FBF1: variants seen among roughly 807,000 people sequenced by gnomAD.
FBF1 encodes the protein Fas binding factor 1.
A neutral mutation model predicts 147.2 loss-of-function variants in FBF1; 119 were observed. The observed-to-expected ratio is 0.81, with a 90% CI of 0.70 to 0.94. The LOEUF (loss-of-function observed/expected upper bound fraction) is 0.94, where lower values mean the gene tolerates loss of function less well. Ranked by LOEUF, FBF1 falls within the 40% of genes least tolerant of loss-of-function variation. FBF1 has a pLI of 0.00. For missense variants in FBF1, 1,449 were observed against 1,500.8 expected (o/e 0.97, Z 0.57); for synonymous variants, 601 against 609.0 (o/e 0.99, Z 0.19).
At chr17:75,915,408 A>G (rs575583923) in intron 23 of FBF1, among the ~76,000 whole-genome samples, 1 of 152,286 alleles carries the variant, frequency 6.6e-6, no homozygotes, top group East Asian at 1.9e-4. Context: ...AGGGCCAAAG[A>G]GCAGCAACAT....
rs2065511152 is a variant in FBF1, at chr17:75,919,667, C to T, written c.2138+1G>A. On this transcript the variant is annotated splice_donor_variant, in intron 20 of 29. Coordinates refer to ENST00000636174, the MANE Select transcript of FBF1 (RefSeq NM_001319193.2). LOFTEE classifies it high-confidence loss of function. The surrounding 1 kb of genome is among the most constrained non-coding windows in gnomAD (Gnocchi z 5.0). ...CCCAGCTGCCTGTCCCTGGGCCTCA[C>T]CGCTGCAGCTCCCGGAGCCGCTCCA... 1 of 1,594,054 alleles carries T rather than the reference C, an allele frequency of 6.3e-7. No homozygotes were observed. Among genetic ancestry groups the T allele is most frequent in the African/African-American group, 1.3e-5 (1 of 74,502 alleles).
chr17:75,912,305 G>A lies in FBF1; in HGVS notation c.3250C>T (p.Leu1084Phe). Residue 1084 changes from leucine to phenylalanine, a missense_variant and splice_region_variant, in exon 29 of 30, where the codon CTC (leucine) becomes TTC (phenylalanine). Coordinates refer to ENST00000636174, the MANE Select transcript of FBF1 (RefSeq NM_001319193.2). ...QGPAASSQSA[L>F]MPPAPTTRWC... ...CGGGTGGTGGGAGCAGGAGGCATGA[G>A]GGCTGAAAAGGCCAAGGAGGAAGTC... 2 of 1,584,516 alleles carry A rather than the reference G, an allele frequency of 1.3e-6. No homozygotes were observed. Among genetic ancestry groups the A allele is most frequent in the Non-Finnish European group, 1.7e-6 (2 of 1,165,822 alleles).
intron 9 of FBF1, among the ~76,000 whole-genome samples, chr17:75,927,155 A>G (rs60946179): frequency 0.032 from 4,944 of 152,272 alleles, 268 homozygotes; most frequent in African/African-American, 0.11. Context: ...GGCCTTCTGG[A>G]AATGTCCCTC....
chr17:75,922,002 C>T lies in FBF1; in HGVS notation c.1469G>A (p.Gly490Glu). 6.4e-7 allele frequency: 1 copy of T among 1,551,870 alleles called. No homozygotes were observed. The highest frequency in any genetic ancestry group is 8.7e-7 in the Non-Finnish European group (1 of 1,147,054). ...STQGLEHAAA[G>E]GSSGTTARER... ...TCGTGCAGTTGTTCCAGAACTCCCT[C>T]CAGCAGCTGCGTGCTCAAGCCCTTG... Residue 490 changes from glycine to glutamate, a missense_variant, in exon 15 of 30, where the codon GGA becomes GAA. Gly to Glu is a moderately conservative substitution (Grantham distance 98). Transcript: ENST00000636174. This position sits in a 1 kb window ranked among gnomAD's most constrained non-coding sequence, Gnocchi z 5.0.
chr17:75,917,610 G>A (rs1169402367), intron 23 of FBF1, 122 bp downstream of exon 23: 6 of 852,326 alleles, frequency 7.0e-6, no homozygotes, highest in Non-Finnish European at 9.0e-6. Flanking sequence ...GGCAGGAAGC[G>A]GCAGGTGGGG....
rs139493844 is a variant in FBF1, at chr17:75,933,278, A to G, written c.74-190T>C. On this transcript the variant is annotated intron_variant, in intron 4 of 29. Coordinates refer to ENST00000636174, the MANE Select transcript of FBF1 (RefSeq NM_001319193.2). Reference sequence around the variant, plus strand: ...AGAGGGTGGTACATTTCCAAGGAGGAAGTCAACCCTAAATGCCAAATACCA... The same window carrying G: ...AGAGGGTGGTACATTTCCAAGGAGGGAGTCAACCCTAAATGCCAAATACCA... Among the ~76,000 whole-genome samples the G allele has an allele frequency of 5.7e-3, 873 of 152,262 alleles. 11 individuals carry two copies. Among genetic ancestry groups the G allele is most frequent in the African/African-American group, 0.02 (816 of 41,538 alleles).
In FBF1 at chr17:75,914,153, A is replaced by G; in HGVS notation, c.2960T>C (p.Leu987Pro). ...RINATALRVKLRAEEVESMSK... is the reference protein window; with the variant it reads ...RINATALRVKPRAEEVESMSK... ...CATGCTCTCCACCTCCTCGGCGCGGAGCTTGACACGCAGGGCGGTGGCGTT... is the reference window on the plus strand; with the variant it reads ...CATGCTCTCCACCTCCTCGGCGCGGGGCTTGACACGCAGGGCGGTGGCGTT... Residue 987 changes from leucine (L) to proline (P), a missense_variant, in exon 26 of 30, where the codon CTC (leucine) becomes CCC (proline). Physicochemically the swap from Leu to Pro is moderately conservative, Grantham distance 98. Coordinates refer to ENST00000636174, the MANE Select transcript of FBF1 (RefSeq NM_001319193.2). 3 of 1,602,320 alleles carry G rather than the reference A, an allele frequency of 1.9e-6. No homozygotes were observed. Among genetic ancestry groups the G allele is most frequent in the Non-Finnish European group, 2.5e-6 (3 of 1,176,884 alleles).
In FBF1 at chr17:75,923,757, C is replaced by T. The variant is rs2065543875; in HGVS notation, c.969-116G>A. On this transcript the variant is annotated intron_variant, in intron 13 of 29. Coordinates refer to ENST00000636174, the MANE Select transcript of FBF1 (RefSeq NM_001319193.2). The surrounding 1 kb of genome is among the most constrained non-coding windows in gnomAD (Gnocchi z 4.1). Reference sequence around the variant, plus strand: ...GGACCCTGCACAGTCAGCTGAGGCCCAGTGAGCAGTGGCTCCTGGACCGGC... The same window carrying T: ...GGACCCTGCACAGTCAGCTGAGGCCTAGTGAGCAGTGGCTCCTGGACCGGC... 2 of 1,033,182 alleles carry T rather than the reference C, an allele frequency of 1.9e-6. No individual in the cohort carries two copies. Among genetic ancestry groups the T allele is most frequent in the Non-Finnish European group, 2.7e-6 (2 of 727,958 alleles). The allele number at this position is 1,033,182 out of a possible 1,614,324, so 64.0% of individuals were successfully genotyped here.
Position 75,918,006 on chromosome 17 carries a change from G to C in FBF1, c.2311C>G (p.Arg771Gly). 1.2e-5 allele frequency: 20 copies of C among 1,612,562 alleles called. No individual in the cohort carries two copies. Among genetic ancestry groups the C allele is most frequent in the Non-Finnish European group, 1.7e-5 (20 of 1,179,180 alleles). Residue 771 changes from arginine to glycine, a missense_variant, in exon 22 of 30, where the codon CGC (arginine) becomes GGC (glycine). Coordinates refer to ENST00000636174, the MANE Select transcript of FBF1 (RefSeq NM_001319193.2). This position sits in a 1 kb window ranked among gnomAD's most constrained non-coding sequence, Gnocchi z 5.8. ...FSSSLHELSS[R>G]VEASHLTTSQ... ...GTGGTGAGGTGCGAGGCCTCCACGC[G>C]GGAGGACAACTCGTGCAGGCTGCTG... is the stretch of plus-strand genomic sequence containing the variant.
At position 75,920,378 on chromosome 17, in the gene FBF1, G is replaced by A; in HGVS notation, c.1726C>T (p.Gln576Ter). The A allele has an allele frequency of 6.2e-7, 1 of 1,605,892 alleles. No homozygotes were observed. The highest frequency in any genetic ancestry group is 8.5e-7 in the Non-Finnish European group (1 of 1,176,764). The change falls in exon 18 of 30, where the codon CAG becomes TAG. Residue 576 changes from glutamine (Q) to a stop codon, truncating the protein, a stop_gained. Coordinates refer to ENST00000636174, the MANE Select transcript of FBF1 (RefSeq NM_001319193.2). LOFTEE classifies it high-confidence loss of function. ...ACCTGTGCTGCCAGGAGCTGCTTCTGGTATTCTGTGCTCGGCAGCAGGCTC... is the reference window on the plus strand; with the variant it reads ...ACCTGTGCTGCCAGGAGCTGCTTCTAGTATTCTGTGCTCGGCAGCAGGCTC... Reference protein sequence around the residue: ...ARSLLPSTEYQKQLLAAQVQL... With the variant: ...ARSLLPSTEY
chr17:75,937,406 A>G (rs2065631745), intron 3 of FBF1, among the ~76,000 whole-genome samples, 160 bp downstream of exon 3: 1 of 152,058 alleles, frequency 6.6e-6, no homozygotes, highest in Non-Finnish European at 1.5e-5. Flanking sequence ...TCCTGACCTC[A>G]TGATCCACCC....
intron 25 of FBF1, 156 bp from the exon 26 acceptor site, chr17:75,914,454 G>C (rs2065475526): frequency 8.4e-7 from 1 of 1,196,988 alleles, no homozygotes; most frequent in African/African-American, 1.5e-5. Flanking sequence ...GGCCAAGCCG[G>C]AGTGCTGCCC....
intron 15 of FBF1, 148 bp downstream of exon 15, chr17:75,921,797 C>T (rs1287025124): frequency 5.2e-6 from 4 of 775,918 alleles, no homozygotes; most frequent in South Asian, 1.7e-5. Context: ...GTGTAGGGCA[C>T]AGGGACGGAG....
At chr17:75,930,171 C>T in intron 6 of FBF1, 124 bp from the exon 7 acceptor site, 1 of 727,284 alleles carries the variant, frequency 1.4e-6, no homozygotes, top group Non-Finnish European at 2.4e-6. Flanking sequence ...AGAGCTTGGC[C>T]AATGGAGCTT....
chr17:75,918,074 G>A lies in FBF1; in HGVS notation c.2247-4C>T, dbSNP rs1166001095. 4 of 1,607,494 alleles carry A rather than the reference G, an allele frequency of 2.5e-6. No individual in the cohort carries two copies. Among genetic ancestry groups the A allele is most frequent in the Non-Finnish European group, 3.4e-6 (4 of 1,176,100 alleles). On this transcript the variant is annotated splice_polypyrimidine_tract_variant and splice_region_variant and intron_variant, in intron 21 of 29. Transcript: ENST00000636174. The surrounding 1 kb of genome is among the most constrained non-coding windows in gnomAD (Gnocchi z 5.8). ...GTGGATGATGCTATTCAGGGACCTG[G>A]AAGAAGACTGGGTCACCCCCTCCTG...
intron 29 of FBF1, 47 bp downstream of exon 29, chr17:75,912,145 G>A: frequency 6.5e-7 from 1 of 1,540,852 alleles, no homozygotes. Context: ...GCCCTGAGCT[G>A]GAAGGACTCG....
In FBF1 at chr17:75,915,088, C is replaced by A. The variant is rs776468566; in HGVS notation, c.2557G>T (p.Ala853Ser). 8 of 1,612,876 alleles carry A rather than the reference C, an allele frequency of 5.0e-6. No individual in the cohort carries two copies. In the East Asian group the frequency reaches 1.6e-4, roughly 31 times the overall value. ...EQSKAESMQRALEEQRKVTAQ... is the reference protein window; with the variant it reads ...EQSKAESMQRSLEEQRKVTAQ... ...GTGACCTTCCTTTGCTCCTCTAGGG[C>A]GCGCTGCATGGACTCCGCCTTGGAC... The change falls in exon 24 of 30, where the codon GCC becomes TCC. Residue 853 changes from alanine to serine, a missense_variant. Transcript: ENST00000636174.
rs1311074710 is a variant in FBF1, at chr17:75,923,129, C to T, written c.1424+57G>A. On this transcript the variant is annotated intron_variant, in intron 14 of 29. Transcript: ENST00000636174. This position sits in a 1 kb window ranked among gnomAD's most constrained non-coding sequence, Gnocchi z 4.1. ...TGCAACAGGTGAAGGGGCAAAGGGG[C>T]TCCTCAAGTCCCCAGCCAGTCCTCC... is the stretch of plus-strand genomic sequence containing the variant. The T allele has an allele frequency of 6.8e-7, 1 of 1,462,756 alleles. No individual in the cohort carries two copies. Among genetic ancestry groups the T allele is most frequent in the Non-Finnish European group, 9.1e-7 (1 of 1,093,432 alleles). 90.6% of individuals were successfully genotyped at this position (1,462,756 alleles called of 1,614,324 possible).
In FBF1 at chr17:75,921,543, T is replaced by C. The variant is rs1232521815; in HGVS notation, c.1544A>G (p.Asn515Ser). The C allele has an allele frequency of 1.2e-6, 2 of 1,612,772 alleles. No individual in the cohort carries two copies. Among genetic ancestry groups the C allele is most frequent in the Non-Finnish European group, 1.7e-6 (2 of 1,179,514 alleles). ...PGVSGSPVTQ[N>S]HAASALPTGS... Reference sequence around the variant, plus strand: ...TGTAGGGAGTGCTGAGGCGGCATGGTTCTGAGTCACAGGGGACCTGAGGAC... The same window carrying C: ...TGTAGGGAGTGCTGAGGCGGCATGGCTCTGAGTCACAGGGGACCTGAGGAC... The change falls in exon 16 of 30, where the codon AAC becomes AGC. Residue 515 changes from asparagine (N) to serine (S), a missense_variant. Asn to Ser is a conservative substitution (Grantham distance 46, BLOSUM62 1). Coordinates refer to ENST00000636174, the MANE Select transcript of FBF1 (RefSeq NM_001319193.2).
Sources: gnomAD v4.1 joint callset for allele counts (sites outside exome capture counted in the v4.1 genomes callset) on GRCh38, gnomAD v4.1.1 for gene constraint, Gnocchi (gnomAD v3.1) non-coding constraint, MANE v1.5 for transcripts, NCBI Gene and HGNC (gene_info 2026-07-23, HGNC 2026-07-21) for gene names.